The following RALGAPB variants were observed in gnomAD, a reference collection of about 807,000 sequenced individuals.
RALGAPB encodes ral GTPase-activating protein subunit beta.
Under a neutral mutation model 161.1 loss-of-function variants are expected in RALGAPB, and 25 were observed. The ratio of observed to expected loss-of-function variants is 0.16; its 90% confidence interval spans 0.11 to 0.22. The LOEUF (loss-of-function observed/expected upper bound fraction) is 0.22. RALGAPB is among the 10% of genes least tolerant of loss of function. The pLI is 1.00. For missense variants in RALGAPB, 1,391 were observed against 1,815.2 expected, an observed-to-expected ratio of 0.77 and a Z score of 4.25; for synonymous variants, 629 against 626.1, an observed-to-expected ratio of 1.00 and a Z score of -0.07.
At chr20:38,542,775 T>C (rs2087013671) in intron 18 of RALGAPB, among the ~76,000 whole-genome samples, 1 of 151,874 alleles carries the variant, frequency 6.6e-6, no homozygotes, top group South Asian at 2.1e-4. Context: ...CTCAGGAGGC[T>C]GAGGCAGGAG....
At chr20:38,559,940 A>T (rs2087728302) in intron 23 of RALGAPB, among the ~76,000 whole-genome samples, 1 of 152,172 alleles carries the variant, frequency 6.6e-6, no homozygotes, top group Non-Finnish European at 1.5e-5. Flanking sequence ...TGTGTAGGGC[A>T]CTGTGACTAC....
chr20:38,485,966 C>T (rs1197132945), intron 1 of RALGAPB, among the ~76,000 whole-genome samples: 9 of 90,688 alleles, frequency 9.9e-5, no homozygotes, highest in East Asian at 3.5e-4. Flanking sequence ...CTTTCTATAT[C>T]TTTTTTTTTT....
chr20:38,568,975 A>C (rs1160266783), intron 26 of RALGAPB: 1 of 152,150 alleles, frequency 6.6e-6, no homozygotes, highest in Non-Finnish European at 1.5e-5. Context: ...GTCAAAGCTA[A>C]ATAGGGACCT....
At position 38,574,966 on chromosome 20, in the gene RALGAPB, A is replaced by G; in HGVS notation, c.4484A>G (p.Ter1495TrpextTer59). 1 of 1,603,074 alleles carries G rather than the reference A, an allele frequency of 6.2e-7. No individual in the cohort carries two copies. Among genetic ancestry groups the G allele is most frequent in the Non-Finnish European group, 8.5e-7 (1 of 1,169,936 alleles). Residue 1495 changes from the stop codon to tryptophan, a stop_lost, in exon 30 of 30, where the codon TAG (stop) becomes TGG (tryptophan). Transcript: ENST00000262879. ...GTTGGACTCAAGAACTGCAGTTCTT[A>G]GACCACTGAATTTCTAAGACTGTTG... The part of the protein sequence containing the change: ...QEVGLKNCSS[*>W]
At chr20:38,503,528 G>T (rs1192429828) in intron 5 of RALGAPB, among the ~76,000 whole-genome samples, 1 of 152,184 alleles carries the variant, frequency 6.6e-6, no homozygotes, top group Non-Finnish European at 1.5e-5. Flanking sequence ...ACTAATTGCT[G>T]CAATGTCATG....
At chr20:38,532,709 G>C in intron 14 of RALGAPB, 21 bp from the exon 15 acceptor site, 3 of 1,611,462 alleles carry the variant, frequency 1.9e-6, no homozygotes, top group Non-Finnish European at 2.5e-6. Context: ...ATCCTCACTT[G>C]ATTCATTTTC....
rs374043884 is a variant in RALGAPB at position 38,487,553 on chromosome 20, C to T, written c.-30-850C>T. ...ACAGAATTAGTATTTCAGTTTAGTG[C>T]GAAAAGGATGTATTTTTAAGAGGTG... is the stretch of plus-strand genomic sequence containing the variant. On this transcript the variant is annotated intron_variant, in intron 1 of 29. Transcript: ENST00000262879. Among the ~76,000 whole-genome samples the T allele has an allele frequency of 1.2e-4, 18 of 152,042 alleles. No homozygotes were observed. The East Asian group carries it at 1.5e-3, about 13-fold the overall frequency.
chr20:38,571,974 A>G (rs1221452415), intron 28 of RALGAPB, among the ~76,000 whole-genome samples: 3 of 152,078 alleles, frequency 2.0e-5, no homozygotes, highest in Non-Finnish European at 4.4e-5. Flanking sequence ...TGGGTGCTTT[A>G]GCAGGAGTTT....
At chr20:38,529,701 G>A (rs112977150) in intron 13 of RALGAPB, among the ~76,000 whole-genome samples, 5,754 of 151,830 alleles carry the variant, frequency 0.038, 115 homozygotes, top group South Asian at 0.045. Flanking sequence ...AAATTAGCCA[G>A]GCGTGGTGGC....
At position 38,562,610 on chromosome 20, in the gene RALGAPB, G is replaced by A; in HGVS notation, c.3610G>A (p.Asp1204Asn). 6.2e-7 allele frequency: 1 copy of A among 1,613,950 alleles called. No homozygotes were observed. The highest frequency in any genetic ancestry group is 8.5e-7 in the Non-Finnish European group (1 of 1,179,838). ...TTTGCTTTCCCTTGGCTGGTCAGTA[G>A]ATGTGGGCAGACACCCTGGTTGGAC... is the stretch of plus-strand genomic sequence containing the variant. Reference protein sequence around the residue: ...EFLLSLGWSVDVGRHPGWTGH... With the variant: ...EFLLSLGWSVNVGRHPGWTGH... Residue 1204 changes from aspartate to asparagine, a missense_variant, in exon 24 of 30, where the codon GAT (aspartate) becomes AAT (asparagine). Coordinates refer to ENST00000262879, the MANE Select transcript of RALGAPB (RefSeq NM_020336.4).
intron 5 of RALGAPB, among the ~76,000 whole-genome samples, chr20:38,507,904 G>T (rs1231860613): frequency 6.6e-6 from 1 of 151,912 alleles, no homozygotes; most frequent in Non-Finnish European, 1.5e-5. Flanking sequence ...CTTTATATGT[G>T]AGAATATTAT....
At chr20:38,503,572 CAA>C (rs1284282360) in intron 5 of RALGAPB, among the ~76,000 whole-genome samples, 1 of 152,158 alleles carries the variant, frequency 6.6e-6, no homozygotes, top group Non-Finnish European at 1.5e-5. Flanking sequence ...TATGGATGAG[CAA>C]AGAGTTTCCT....
At chr20:38,556,537 A>T (rs1035448586) in intron 22 of RALGAPB, among the ~76,000 whole-genome samples, 5 of 152,310 alleles carry the variant, frequency 3.3e-5, no homozygotes, top group Middle Eastern at 6.8e-3. Flanking sequence ...GATTATGTCT[A>T]TGATATTCAG....
chr20:38,505,254 G>T (rs1568921136), intron 5 of RALGAPB, among the ~76,000 whole-genome samples: 1 of 152,196 alleles, frequency 6.6e-6, no homozygotes, highest in African/African-American at 2.4e-5. Context: ...CCATGAAAAA[G>T]AATTAATTGT....
chr20:38,524,351 G>A (rs1331135415), intron 10 of RALGAPB, among the ~76,000 whole-genome samples: 2 of 152,234 alleles, frequency 1.3e-5, no homozygotes, highest in East Asian at 1.9e-4. Flanking sequence ...TTTCTCTTAC[G>A]GAATTTAACT....
intron 1 of RALGAPB, among the ~76,000 whole-genome samples, chr20:38,484,167 G>A (rs1372965608): frequency 6.6e-6 from 1 of 152,054 alleles, no homozygotes; most frequent in Non-Finnish European, 1.5e-5. Flanking sequence ...GACAGAGTGA[G>A]ACTCCATCTC....
intron 5 of RALGAPB, among the ~76,000 whole-genome samples, chr20:38,500,644 C>G (rs1407010496): frequency 3.3e-5 from 5 of 152,102 alleles, no homozygotes. Flanking sequence ...AAATCAAAAG[C>G]TAGAAATGAT....
chr20:38,500,454 A>G (rs895517441), intron 5 of RALGAPB, among the ~76,000 whole-genome samples: 7 of 152,192 alleles, frequency 4.6e-5, no homozygotes, highest in Non-Finnish European at 7.3e-5. Context: ...TACTACACCT[A>G]TATAAAATGG....
At chr20:38,484,693 T>C (rs920547442) in intron 1 of RALGAPB, among the ~76,000 whole-genome samples, 1 of 152,170 alleles carries the variant, frequency 6.6e-6, no homozygotes, top group Non-Finnish European at 1.5e-5. Flanking sequence ...CAGCTAGAAC[T>C]GTGTAATAGC....
Sources: allele counts gnomAD v4.1 joint callset (sites outside exome capture counted in the v4.1 genomes callset), GRCh38; gene constraint gnomAD v4.1.1; transcripts MANE v1.5; gene names NCBI Gene and HGNC (gene_info 2026-07-23, HGNC 2026-07-21).